Variants in KLF8 observed in about 807,000 individuals in gnomAD.
KLF8 encodes the protein KLF transcription factor 8.
A neutral mutation model predicts 18.2 loss-of-function variants in KLF8; 10 were observed. The observed-to-expected ratio is 0.55, with a 90% CI of 0.34 to 0.93. KLF8 has a LOEUF of 0.93. KLF8 is among the 40% of genes least tolerant of loss of function. The pLI is 0.02. For missense variants in KLF8, 264 were observed against 277.9 expected, an observed-to-expected ratio of 0.95 and a Z score of 0.36; for synonymous variants, 109 against 97.3, an observed-to-expected ratio of 1.12 and a Z score of -0.71.
chrX:56,268,580 TCACATACATG>T (rs1219060550), intron 3 of KLF8: 10 of 281,266 alleles, frequency 3.6e-5, no homozygotes, highest in Non-Finnish European at 4.3e-5. Context: ...TACATGTATA[TCACATACATG>T]CACAAACATG....
intron 1 of KLF8, among the ~76,000 whole-genome samples, chrX:56,240,442 G>T (rs1426492352): frequency 2.7e-5 from 3 of 112,131 alleles, no homozygotes; most frequent in Non-Finnish European, 5.6e-5. Flanking sequence ...GGAGATTGTT[G>T]CATGAAATAA....
chrX:55,948,125 T>C, the KLF8 span, among the ~76,000 whole-genome samples: 1 of 112,249 alleles, frequency 8.9e-6, no homozygotes, highest in Non-Finnish European at 1.9e-5. Context: ...TTTAACTAGT[T>C]CATTTTCTTT....
the KLF8 span, among the ~76,000 whole-genome samples, chrX:56,105,494 T>G: frequency 9.0e-6 from 1 of 110,979 alleles, no homozygotes. Context: ...CTTTGTTGGA[T>G]GAAACTGTGG....
chrX:56,217,176 T>A, the KLF8 span, among the ~76,000 whole-genome samples: 1 of 111,239 alleles, frequency 9.0e-6, no homozygotes, highest in South Asian at 3.8e-4. Context: ...TAAGAAAAAA[T>A]TAGTACTCAT....
At chrX:56,058,302 A>ACATATATATATACATACG in the KLF8 span, among the ~76,000 whole-genome samples, 3 of 66,483 alleles carry the variant, frequency 4.5e-5, no homozygotes, top group African/African-American at 2.1e-4. Flanking sequence ...ATATATATAT[A>ACATATATATATACATACG]TATATATATA....
the KLF8 span, among the ~76,000 whole-genome samples, chrX:56,152,408 A>G: frequency 9.0e-6 from 1 of 111,247 alleles, no homozygotes; most frequent in Non-Finnish European, 1.9e-5. Flanking sequence ...CTGTATAATC[A>G]TAGAAGGTGG....
At chrX:56,063,663 C>T in the KLF8 span, among the ~76,000 whole-genome samples, 1 of 111,778 alleles carries the variant, frequency 8.9e-6, no homozygotes, top group Admixed American at 9.5e-5. Context: ...CAGTCTGTCT[C>T]TTAGTGGAGG....
At chrX:56,186,367 T>C in the KLF8 span, among the ~76,000 whole-genome samples, 1 of 111,659 alleles carries the variant, frequency 9.0e-6, no homozygotes, top group Non-Finnish European at 1.9e-5. Flanking sequence ...AGGACCTAGA[T>C]TCATAAAGCA....
upstream of KLF8, among the ~76,000 whole-genome samples, chrX:56,230,677 A>G (rs1442455739): frequency 8.9e-6 from 1 of 111,937 alleles, no homozygotes; most frequent in African/African-American, 3.3e-5. Flanking sequence ...GAAGGATTCA[A>G]TGAGTTAATA....
chrX:55,965,025 G>A, the KLF8 span, among the ~76,000 whole-genome samples: 1 of 111,488 alleles, frequency 9.0e-6, no homozygotes, highest in African/African-American at 3.3e-5. Context: ...CCAAAAAATT[G>A]AGGAGGACTT....
the KLF8 span, among the ~76,000 whole-genome samples, chrX:55,939,360 G>T: frequency 6.3e-5 from 7 of 110,882 alleles, no homozygotes; most frequent in Non-Finnish European, 1.3e-4. Context: ...CAGAATCTCT[G>T]GGACACATTC....
At chrX:55,908,132 G>A in the KLF8 span, 6 of 135,077 alleles carry the variant, frequency 4.4e-5, no homozygotes, top group Non-Finnish European at 7.4e-5. Flanking sequence ...CAGTTTTACC[G>A]GAAACAAAGT....
the KLF8 span, among the ~76,000 whole-genome samples, chrX:55,988,920 C>G: frequency 9.0e-6 from 1 of 111,403 alleles, no homozygotes; most frequent in Non-Finnish European, 1.9e-5. Flanking sequence ...TCCTCCACAT[C>G]CCTTGTAAGT....
the KLF8 span, among the ~76,000 whole-genome samples, chrX:56,061,371 T>C: frequency 8.9e-6 from 1 of 112,086 alleles, no homozygotes; most frequent in Admixed American, 9.5e-5. Context: ...TATGTCCTTG[T>C]TCTCATTGGT....
At chrX:56,104,990 T>A in the KLF8 span, among the ~76,000 whole-genome samples, 63 of 111,965 alleles carry the variant, frequency 5.6e-4, 1 homozygote, top group East Asian at 0.017. Flanking sequence ...GTCACTCAGG[T>A]GCAGGTTGTT....
At chrX:56,185,925 A>C in the KLF8 span, among the ~76,000 whole-genome samples, 3 of 112,297 alleles carry the variant, frequency 2.7e-5, no homozygotes, top group Middle Eastern at 4.2e-3. Context: ...AAAACATGCC[A>C]AATTGTAAAG....
At chrX:56,215,822 CAAAAAAAAAAAAAAAAAAAAAAA>C in the KLF8 span, among the ~76,000 whole-genome samples, 27 of 31,385 alleles carry the variant, frequency 8.6e-4, no homozygotes, top group African/African-American at 6.7e-3. Flanking sequence ...GACTCTGTCT[CAAAAAAAAAAAAAAAAAAAAAAA>C]AAAAAAAAAA....
At chrX:56,218,247 A>G in the KLF8 span, among the ~76,000 whole-genome samples, 113 of 110,693 alleles carry the variant, frequency 1.0e-3, no homozygotes, top group African/African-American at 3.6e-3. Context: ...ACTCACCCCT[A>G]CTACAAGCAG....
At chrX:56,091,391 C>G in the KLF8 span, among the ~76,000 whole-genome samples, 1 of 111,480 alleles carries the variant, frequency 9.0e-6, no homozygotes, top group African/African-American at 3.3e-5. Context: ...GTCAATTACA[C>G]CTATTTCTTT....
Sources: allele counts gnomAD v4.1 joint callset (sites outside exome capture counted in the v4.1 genomes callset), GRCh38; gene constraint gnomAD v4.1.1; transcripts MANE v1.5; gene names NCBI Gene and HGNC (gene_info 2026-07-23, HGNC 2026-07-21).